CD3G: variants seen among roughly 807,000 people sequenced by gnomAD.
CD3G encodes the protein T-cell surface glycoprotein CD3 gamma chain.
CD3G carries 24 observed loss-of-function variants against 28.3 expected under a neutral mutation model. The ratio of observed to expected loss-of-function variants is 0.85; its 90% CI spans 0.61 to 1.19. CD3G has a LOEUF of 1.19. CD3G is among the 50% of genes most tolerant of loss of function. The pLI is 0.00. For missense variants in CD3G, 211 were observed against 210.0 expected, an observed-to-expected ratio of 1.00 and a Z score of -0.03; for synonymous variants, 71 against 75.9, an observed-to-expected ratio of 0.93 and a Z score of 0.34.
chr11:118,350,201 AT>A, intron 3 of CD3G: 1 of 585,108 alleles, frequency 1.7e-6, no homozygotes, highest in Non-Finnish European at 3.0e-6. Flanking sequence ...GGCTCCATGG[AT>A]TCAAGCAATT....
chr11:118,344,828 G>A (rs2134064334), intron 1 of CD3G, among the ~76,000 whole-genome samples: 1 of 152,382 alleles, frequency 6.6e-6, no homozygotes, highest in East Asian at 1.9e-4. Flanking sequence ...GGGGCTAGCA[G>A]TCGACCTAGG....
chr11:118,351,452 C>A (rs1948409323), intron 4 of CD3G, among the ~76,000 whole-genome samples, 176 bp from the exon 5 acceptor site: 1 of 152,142 alleles, frequency 6.6e-6, no homozygotes, highest in Admixed American at 6.5e-5. Flanking sequence ...TAAATGGACT[C>A]ATATACTAAG....
At chr11:118,345,130 C>T (rs1387874706) in intron 1 of CD3G, among the ~76,000 whole-genome samples, 1 of 151,890 alleles carries the variant, frequency 6.6e-6, no homozygotes, top group African/African-American at 2.4e-5. Flanking sequence ...TTGCTGAAGT[C>T]ACACAAGTAC....
Position 118,344,355 on chromosome 11 carries a change from T to TG in CD3G, c.-68dup. The stretch of plus-strand genomic sequence containing the variant: ...TGATGGGTGGAGCCAGTCTAGCTGC[T>TG]GCACAGGCTGGCTGGCTGGCTGGCT... On this transcript the variant is annotated 5_prime_UTR_variant, in exon 1 of 7. Coordinates refer to ENST00000532917, the MANE Select transcript of CD3G (RefSeq NM_000073.3). 1 of 1,370,478 alleles carries TG rather than the reference T, an allele frequency of 7.3e-7. No individual in the cohort carries two copies. The highest frequency in any genetic ancestry group is 1.0e-6 in the Non-Finnish European group (1 of 989,780). 84.9% of individuals were successfully genotyped at this position (1,370,478 alleles called of 1,614,324 possible). A position where few individuals can be genotyped will look rare whatever the true frequency, so the allele number is the denominator to read the frequency against.
chr11:118,349,322 G>C, intron 2 of CD3G: 1 of 1,380,332 alleles, frequency 7.2e-7, no homozygotes, highest in Non-Finnish European at 9.4e-7. Context: ...TGAACCAGTA[G>C]GTATTGGCGT....
At chr11:118,346,507 G>A (rs1948357990) in intron 1 of CD3G, among the ~76,000 whole-genome samples, 1 of 151,892 alleles carries the variant, frequency 6.6e-6, no homozygotes, top group African/African-American at 2.4e-5. Context: ...ACCTCACTCA[G>A]ATATGCAACA....
chr11:118,349,288 G>A (rs968596582), intron 2 of CD3G: 1 of 1,429,482 alleles, frequency 7.0e-7, no homozygotes, highest in Non-Finnish European at 9.1e-7. Flanking sequence ...TAGTAGCTAG[G>A]GACACATCTC....
rs1948433792 is a variant in CD3G, at chr11:118,354,392, T to A, written c.*1292T>A. 1 of 147,768 alleles carries A rather than the reference T, an allele frequency of 6.8e-6. No homozygotes were observed. Among genetic ancestry groups the A allele is most frequent in the African/African-American group, 2.5e-5 (1 of 39,956 alleles). 9.2% of individuals were successfully genotyped at this position (147,768 alleles called of 1,614,324 possible). A position where few individuals can be genotyped will look rare whatever the true frequency, so the allele number is the denominator to read the frequency against. On this transcript the variant is annotated 3_prime_UTR_variant, in exon 7 of 7. Transcript: ENST00000532917. ...ATCTCAGCTCACTGCAACCTCCACC[T>A]CCTGGGTTCAAGCGATTCTCTTGCC...
chr11:118,349,272 G>A, intron 2 of CD3G: 1 of 1,459,266 alleles, frequency 6.9e-7, no homozygotes, highest in Non-Finnish European at 9.0e-7. Context: ...AGGAGAAGCA[G>A]GACCCTAGTA....
chr11:118,345,549 T>C (rs912822408), intron 1 of CD3G, among the ~76,000 whole-genome samples: 4 of 151,818 alleles, frequency 2.6e-5, no homozygotes, highest in African/African-American at 9.7e-5. Flanking sequence ...AAAGACTGGG[T>C]GGTAGGTAGA....
At chr11:118,349,634 T>C (rs1267093080) in intron 2 of CD3G, 109 bp from the exon 3 acceptor site, 4 of 856,770 alleles carry the variant, frequency 4.7e-6, no homozygotes, top group East Asian at 2.6e-5. Flanking sequence ...GTGATTCATG[T>C]GCACATCAAA....
Position 118,352,431 on chromosome 11 carries a change from T to C in CD3G, c.511T>C (p.Tyr171His), listed in dbSNP as rs148191859. The change falls in exon 6 of 7, where the codon TAC becomes CAC. Residue 171 changes from tyrosine to histidine, a missense_variant. By Grantham distance (83) the Tyr-to-His change is moderately conservative. Coordinates refer to ENST00000532917, the MANE Select transcript of CD3G (RefSeq NM_000073.3). ...CCTCAAGGATCGAGAAGATGACCAG[T>C]ACAGCCACCTTCAAGGAAACCAGTT... ...QPLKDREDDQYSHLQGNQLRR... is the reference protein window; with the variant it reads ...QPLKDREDDQHSHLQGNQLRR... 3.0e-4 allele frequency: 480 copies of C among 1,614,144 alleles called. 1 individual carries two copies. The highest frequency in any genetic ancestry group is 2.2e-3 in the East Asian group (99 of 44,884).
chr11:118,346,602 G>T (rs138492545), intron 1 of CD3G, among the ~76,000 whole-genome samples: 1 of 152,050 alleles, frequency 6.6e-6, no homozygotes, highest in Non-Finnish European at 1.5e-5. Context: ...GATCATTTGA[G>T]CCCAGGAGTT....
rs1188082167 is a variant in CD3G, at chr11:118,354,280, TTTTTC to T, written c.*1195_*1199del. On this transcript the variant is annotated 3_prime_UTR_variant, in exon 7 of 7. Transcript: ENST00000532917. ...AATCCAGCTTTAGGACATTTTCTTT[TTTTTC>T]TTTTCTTTTCTTTTTTTTCTTTTTT... The T allele has an allele frequency of 4.0e-5, 6 of 151,884 alleles. No homozygotes were observed. Among genetic ancestry groups the T allele is most frequent in the African/African-American group, 9.7e-5 (4 of 41,304 alleles). 9.4% of individuals were successfully genotyped at this position (151,884 alleles called of 1,614,324 possible). A position where few individuals can be genotyped will look rare whatever the true frequency, so the allele number is the denominator to read the frequency against.
Position 118,344,363 on chromosome 11 carries a change from C to A in CD3G, c.-61C>A. 1 of 639,446 alleles carries A rather than the reference C, an allele frequency of 1.6e-6. No homozygotes were observed. The highest frequency in any genetic ancestry group is 2.1e-6 in the Non-Finnish European group (1 of 483,936). 39.6% of individuals were successfully genotyped at this position (639,446 alleles called of 1,614,324 possible). A position where few individuals can be genotyped will look rare whatever the true frequency, so the allele number is the denominator to read the frequency against. The stretch of plus-strand genomic sequence containing the variant: ...GGAGCCAGTCTAGCTGCTGCACAGG[C>A]TGGCTGGCTGGCTGGCTGCTAAGGG... On this transcript the variant is annotated 5_prime_UTR_variant, in exon 1 of 7. The change creates a new upstream start codon in the 5' untranslated region. Transcript: ENST00000532917.
Position 118,353,406 on chromosome 11 carries a change from T to C in CD3G, c.*306T>C, listed in dbSNP as rs1224714563. On this transcript the variant is annotated 3_prime_UTR_variant, in exon 7 of 7. Coordinates refer to ENST00000532917, the MANE Select transcript of CD3G (RefSeq NM_000073.3). The stretch of plus-strand genomic sequence containing the variant: ...AATTTTTTGTGTTGTAATTTTTATT[T>C]CGTTTTTGTATAGGTTATAATTCAC... The C allele has an allele frequency of 6.6e-6, 1 of 152,142 alleles. No homozygotes were observed. Among genetic ancestry groups the C allele is most frequent in the Non-Finnish European group, 1.5e-5 (1 of 68,028 alleles). The allele number at this position is 152,142 out of a possible 1,614,324, so 9.4% of individuals were successfully genotyped here. A position where few individuals can be genotyped will look rare whatever the true frequency, so the allele number is the denominator to read the frequency against.
At position 118,347,075 on chromosome 11, in the gene CD3G, C is replaced by T. The variant is rs370744474; in HGVS notation, c.56-1952C>T. 1.1e-3 allele frequency among the ~76,000 whole-genome samples: 172 copies of T among 152,252 alleles called. 4 individuals are homozygous for T. The South Asian group carries it at 0.035, about 31-fold the overall frequency. ...ACTGGATACTGTTCAAAAATAATCC[C>T]GCCCTGCATGAGGTTCTAAGACAGT... is the stretch of plus-strand genomic sequence containing the variant. On this transcript the variant is annotated intron_variant, in intron 1 of 6. Transcript: ENST00000532917.
chr11:118,351,796 G>A (rs1010276511), intron 5 of CD3G, 125 bp downstream of exon 5: 3 of 845,912 alleles, frequency 3.5e-6, no homozygotes, highest in Admixed American at 1.9e-5. Flanking sequence ...ACCAGATGAT[G>A]AGATCAGTTT....
Position 118,352,320 on chromosome 11 carries a change from A to G in CD3G, c.484-84A>G, listed in dbSNP as rs1372262832. On this transcript the variant is annotated intron_variant, in intron 5 of 6. Transcript: ENST00000532917. ...TGAAGTACCCACTCCAAATTCTCAC[A>G]TATAAAAAACATTCAATAAACATGC... The G allele has an allele frequency of 2.6e-6, 3 of 1,144,938 alleles. No homozygotes were observed. The Admixed American group carries it at 5.1e-5, about 19-fold the overall frequency. 70.9% of individuals were successfully genotyped at this position (1,144,938 alleles called of 1,614,324 possible). A position where few individuals can be genotyped will look rare whatever the true frequency, so the allele number is the denominator to read the frequency against.
Sources: gnomAD v4.1 joint callset for allele counts (sites outside exome capture counted in the v4.1 genomes callset) on GRCh38, gnomAD v4.1.1 for gene constraint, MANE v1.5 for transcripts, NCBI Gene and HGNC (gene_info 2026-07-23, HGNC 2026-07-21) for gene names.